CEACAM18: variants seen among roughly 807,000 people sequenced by gnomAD.
The protein encoded by CEACAM18 is CEA cell adhesion molecule 18.
A neutral mutation model predicts 34.3 loss-of-function variants in CEACAM18; 33 were observed. The observed-to-expected ratio is 0.96, with a 90% CI of 0.73 to 1.29. CEACAM18 has a LOEUF of 1.29. Ranked by LOEUF, CEACAM18 falls within the 50% of genes most tolerant of loss-of-function variation. The probability of loss-of-function intolerance (pLI) is 0.00; values close to 1 mark genes in which losing one functional copy is unlikely to be tolerated. For synonymous variants in CEACAM18, 169 were observed against 180.9 expected (o/e 0.93, Z 0.53); for missense variants, 474 against 485.0 (o/e 0.98, Z 0.21).
chr19:51,486,940 T>C (rs1289169569), intron 5 of CEACAM18, among the ~76,000 whole-genome samples: 2 of 151,264 alleles, frequency 1.3e-5, no homozygotes, highest in Non-Finnish European at 2.9e-5. Flanking sequence ...GCCAGGATGG[T>C]CTTGATCTCC....
At chr19:51,484,866 C>A in intron 4 of CEACAM18, 121 bp from the exon 5 acceptor site, 1 of 1,247,324 alleles carries the variant, frequency 8.0e-7, no homozygotes, top group Non-Finnish European at 1.1e-6. Flanking sequence ...TGGAACAGTG[C>A]TTTGCTGATA....
chr19:51,485,635 GA>G, intron 5 of CEACAM18, among the ~76,000 whole-genome samples: 1 of 152,330 alleles, frequency 6.6e-6, no homozygotes, highest in East Asian at 1.9e-4. Context: ...GCTGAAGAAT[GA>G]ACGGAGCAAC....
In CEACAM18 at chr19:51,486,698, TTTTC is replaced by T. The variant is rs949939606; in HGVS notation, c.1089+1592_1089+1595del. Among the ~76,000 whole-genome samples the T allele has an allele frequency of 1.1e-4, 17 of 149,222 alleles. No individual in the cohort carries two copies. The South Asian group carries it at 1.9e-3, about 17-fold the overall frequency. On this transcript the variant is annotated intron_variant, in intron 5 of 5. Transcript: ENST00000396477. ...TTATTGAGCTAATTTTCTTTTTTCT[TTTTC>T]TTTCTTTCTTTCTTTTCTTTCTTTT... is the stretch of plus-strand genomic sequence containing the variant.
At chr19:51,482,750 G>A (rs1052326854) in intron 3 of CEACAM18, among the ~76,000 whole-genome samples, 1 of 152,254 alleles carries the variant, frequency 6.6e-6, no homozygotes, top group Non-Finnish European at 1.5e-5. Flanking sequence ...AACAGTGCCT[G>A]GCACACAGTA....
chr19:51,478,936 A>ACACACG (rs199973262), intron 1 of CEACAM18, among the ~76,000 whole-genome samples: 17 of 145,826 alleles, frequency 1.2e-4, no homozygotes, highest in Non-Finnish European at 2.0e-4. Flanking sequence ...GGTGTTACAC[A>ACACACG]CACACGCACA....
intron 5 of CEACAM18, among the ~76,000 whole-genome samples, chr19:51,485,865 A>G (rs1989990926): frequency 6.6e-6 from 1 of 152,200 alleles, no homozygotes; most frequent in Admixed American, 6.5e-5. Context: ...TGCTAGTGGT[A>G]ACAACCACCA....
intron 2 of CEACAM18, 125 bp downstream of exon 2, chr19:51,480,805 T>G: frequency 1.2e-6 from 1 of 867,992 alleles, no homozygotes; most frequent in South Asian, 1.8e-5. Context: ...TGGAATCTTG[T>G]GTACCATGGA....
In CEACAM18 at chr19:51,488,301, T is replaced by C. The variant is rs1429376222; in HGVS notation, c.1090-2286T>C. Among the ~76,000 whole-genome samples the C allele has an allele frequency of 3.3e-5, 5 of 152,226 alleles. No individual in the cohort carries two copies. The East Asian group carries it at 7.7e-4, about 23-fold the overall frequency. Reference sequence around the variant, plus strand: ...ATTAATAACAATCTCTGAGATTTTATGATGTGCTTACTGTGTACCAACCCT... The same window carrying C: ...ATTAATAACAATCTCTGAGATTTTACGATGTGCTTACTGTGTACCAACCCT... On this transcript the variant is annotated intron_variant, in intron 5 of 5. Transcript: ENST00000396477.
chr19:51,486,398 C>A (rs1024483126), intron 5 of CEACAM18, among the ~76,000 whole-genome samples: 2 of 152,086 alleles, frequency 1.3e-5, no homozygotes, highest in Non-Finnish European at 2.9e-5. Context: ...AAAAACAATC[C>A]TAGACCAAGG....
At chr19:51,490,915 T>A in exon 6 of CEACAM18, 1 of 335,614 alleles carries the variant, frequency 3.0e-6, no homozygotes, top group Non-Finnish European at 5.4e-6. Context: ...TGCGCAAAGC[T>A]GGGCTCTAAT....
In CEACAM18 at chr19:51,490,530, T is replaced by C. The variant is rs189395207; in HGVS notation, c.1090-57T>C. ...CCCTTCACCTCTCTCTATCCAGGAC[T>C]CTCCCATGTTTCTTAGGGACCTGAG... On this transcript the variant is annotated intron_variant, in intron 5 of 5. Transcript: ENST00000396477. 2.6e-4 allele frequency: 322 copies of C among 1,227,448 alleles called. 1 individual carries two copies. In the African/African-American group the frequency reaches 4.3e-3, roughly 17 times the overall value. 76.0% of individuals were successfully genotyped at this position (1,227,448 alleles called of 1,614,324 possible).
At chr19:51,478,819 G>T in intron 1 of CEACAM18, 125 bp downstream of exon 1, 1 of 643,586 alleles carries the variant, frequency 1.6e-6, no homozygotes, top group South Asian at 3.4e-5. Flanking sequence ...CCCAGAGCAG[G>T]GGTCGGGGAG....
exon 2 of CEACAM18, chr19:51,480,495 T>A (rs778968516): frequency 6.2e-7 from 1 of 1,613,780 alleles, no homozygotes. Flanking sequence ...GCAGGAAACA[T>A]GATTATCAGC....
At chr19:51,490,713 C>A in exon 6 of CEACAM18, 1 of 975,058 alleles carries the variant, frequency 1.0e-6, no homozygotes, top group Non-Finnish European at 1.3e-6. Context: ...GAAAAGGGTC[C>A]AGGGTCTCTT....
intron 5 of CEACAM18, among the ~76,000 whole-genome samples, chr19:51,485,432 T>G (rs751503678): frequency 7.9e-5 from 12 of 152,228 alleles, no homozygotes; most frequent in Non-Finnish European, 1.8e-4. Flanking sequence ...GAGGTCTGCA[T>G]GTCAATTCCT....
chr19:51,487,000 G>C (rs1328074529), intron 5 of CEACAM18, among the ~76,000 whole-genome samples: 1 of 151,734 alleles, frequency 6.6e-6, no homozygotes, highest in East Asian at 1.9e-4. Flanking sequence ...GGGGTTACAG[G>C]CATAAGCCAC....
chr19:51,486,710 C>CTTTTTTTTTTTTTTTTTTTTT (rs1327201659), intron 5 of CEACAM18, among the ~76,000 whole-genome samples: 2 of 144,436 alleles, frequency 1.4e-5, no homozygotes, highest in African/African-American at 2.6e-5. Context: ...TTCTTTCTTT[C>CTTTTTTTTTTTTTTTTTTTTT]TTTCTTTTCT....
At chr19:51,487,986 C>T (rs766159443) in intron 5 of CEACAM18, among the ~76,000 whole-genome samples, 3 of 152,258 alleles carry the variant, frequency 2.0e-5, no homozygotes, top group Admixed American at 6.5e-5. Flanking sequence ...AAAGTTCTAC[C>T]GGACAGCACT....
At chr19:51,479,447 T>C (rs1204025828) in intron 1 of CEACAM18, among the ~76,000 whole-genome samples, 1 of 152,206 alleles carries the variant, frequency 6.6e-6, no homozygotes, top group South Asian at 2.1e-4. Flanking sequence ...TCCCCCTGTG[T>C]CCAGCCTGTG....
Sources: allele counts gnomAD v4.1 joint callset (sites outside exome capture counted in the v4.1 genomes callset), GRCh38; gene constraint gnomAD v4.1.1; transcripts MANE v1.5; gene names NCBI Gene and HGNC (gene_info 2026-07-23, HGNC 2026-07-21).